The following MAF variants were observed in gnomAD, a reference collection of about 807,000 sequenced individuals.
The protein encoded by MAF is transcription factor Maf.
In MAF, 10 loss-of-function variants were observed where a neutral mutation model predicts 22.0. The ratio of observed to expected loss-of-function variants is 0.45; its 90% CI spans 0.28 to 0.77. The LOEUF is 0.77. Ranked by LOEUF, MAF falls within the 30% of genes least tolerant of loss-of-function variation. The pLI is 0.12. For synonymous variants in MAF, 337 were observed against 255.8 expected (o/e 1.32, Z -3.03); for missense variants, 544 against 548.4 (o/e 0.99, Z 0.08).
the MAF span, among the ~76,000 whole-genome samples, chr16:79,562,642 G>A: frequency 2.0e-4 from 31 of 152,172 alleles, no homozygotes; most frequent in East Asian, 1.7e-3. Flanking sequence ...TGTAGACCTC[G>A]GACTCCAGGC....
chr16:79,206,452 C>T, the MAF span: 1 of 152,196 alleles, frequency 6.6e-6, no homozygotes, highest in East Asian at 1.9e-4. Flanking sequence ...AGGCTTCTCT[C>T]TAAATAAATG....
At chr16:79,551,222 CAG>C in the MAF span, among the ~76,000 whole-genome samples, 1 of 152,080 alleles carries the variant, frequency 6.6e-6, no homozygotes, top group Non-Finnish European at 1.5e-5. Context: ...CCTAAGGAGT[CAG>C]ACTCCCCACT....
At chr16:79,458,026 A>G in the MAF span, among the ~76,000 whole-genome samples, 3 of 152,014 alleles carry the variant, frequency 2.0e-5, no homozygotes, top group Admixed American at 6.6e-5. Context: ...TTTTTTTTCA[A>G]TATGGATGAT....
chr16:79,437,138 C>G, the MAF span, among the ~76,000 whole-genome samples: 380 of 21,712 alleles, frequency 0.018, 3 homozygotes, highest in African/African-American at 0.049. Flanking sequence ...AGAAAGCTCT[C>G]TCTCTCTCTG....
At chr16:79,550,193 G>T in the MAF span, among the ~76,000 whole-genome samples, 1 of 152,044 alleles carries the variant, frequency 6.6e-6, no homozygotes, top group Admixed American at 6.6e-5. Flanking sequence ...TTGATGAATG[G>T]GTGACCATTT....
chr16:79,521,142 G>A, the MAF span, among the ~76,000 whole-genome samples: 4 of 152,206 alleles, frequency 2.6e-5, no homozygotes, highest in Non-Finnish European at 5.9e-5. Flanking sequence ...AGGAGGGCAA[G>A]GAGCACAGGC....
At chr16:79,402,571 G>T in the MAF span, among the ~76,000 whole-genome samples, 2 of 152,250 alleles carry the variant, frequency 1.3e-5, no homozygotes, top group Non-Finnish European at 2.9e-5. Flanking sequence ...ACCTCCAGGA[G>T]CAGGGCTGGC....
the MAF span, among the ~76,000 whole-genome samples, chr16:79,478,750 T>C: frequency 6.6e-6 from 1 of 152,078 alleles, no homozygotes; most frequent in Non-Finnish European, 1.5e-5. Context: ...CTGGATGTCA[T>C]CCTAGTCCAC....
chr16:79,543,899 G>C, the MAF span, among the ~76,000 whole-genome samples: 515 of 151,894 alleles, frequency 3.4e-3, 3 homozygotes, highest in African/African-American at 0.011. Context: ...TTTTAGCCAA[G>C]ATGGTCTCCA....
At chr16:79,401,195 C>T in the MAF span, among the ~76,000 whole-genome samples, 60 of 152,328 alleles carry the variant, frequency 3.9e-4, no homozygotes, top group Non-Finnish European at 7.2e-4. Context: ...TATTCTCCCG[C>T]GTGGATTTCT....
the MAF span, among the ~76,000 whole-genome samples, chr16:79,467,103 T>C: frequency 2.0e-5 from 3 of 152,322 alleles, no homozygotes; most frequent in South Asian, 2.1e-4. Context: ...CATTATTTTG[T>C]CTTTCCATTG....
chr16:79,212,489 AGGAAG>A, the MAF span: 1 of 218,736 alleles, frequency 4.6e-6, no homozygotes, highest in Non-Finnish European at 9.2e-6. Context: ...CTTGAAAGGC[AGGAAG>A]GGAAGCGTAT....
chr16:79,437,550 C>G, the MAF span, among the ~76,000 whole-genome samples: 1 of 152,090 alleles, frequency 6.6e-6, no homozygotes, highest in Non-Finnish European at 1.5e-5. Flanking sequence ...CCAGAGCCAG[C>G]CACTGCACAT....
chr16:79,311,542 A>T, the MAF span, among the ~76,000 whole-genome samples: 1 of 150,912 alleles, frequency 6.6e-6, no homozygotes, highest in Non-Finnish European at 1.5e-5. Flanking sequence ...AGCTGCTTTC[A>T]CTGCAGGCTT....
At chr16:79,274,980 G>C in the MAF span, among the ~76,000 whole-genome samples, 1 of 152,226 alleles carries the variant, frequency 6.6e-6, no homozygotes, top group African/African-American at 2.4e-5. Flanking sequence ...TTGCATGGTA[G>C]TGACCTTAAC....
the MAF span, among the ~76,000 whole-genome samples, chr16:79,494,590 T>G: frequency 6.6e-6 from 1 of 152,140 alleles, no homozygotes; most frequent in Non-Finnish European, 1.5e-5. Context: ...CAATCACATC[T>G]GCAAAGTTCC....
the MAF span, among the ~76,000 whole-genome samples, chr16:79,338,014 T>G: frequency 6.6e-6 from 1 of 152,142 alleles, no homozygotes; most frequent in African/African-American, 2.4e-5. Context: ...TGCTAGGCAC[T>G]TGGGAGATGG....
the MAF span, among the ~76,000 whole-genome samples, chr16:79,445,244 CA>C: frequency 7.9e-5 from 12 of 151,198 alleles, no homozygotes; most frequent in Non-Finnish European, 1.6e-4. Context: ...GGGGTTTCAC[CA>C]TGTTAGCCAG....
chr16:79,534,081 G>A, the MAF span, among the ~76,000 whole-genome samples: 1 of 152,166 alleles, frequency 6.6e-6, no homozygotes, highest in Admixed American at 6.5e-5. Flanking sequence ...AATCCCTTGA[G>A]GAAAGAGATC....
Sources: allele counts gnomAD v4.1 joint callset (sites outside exome capture counted in the v4.1 genomes callset), GRCh38; gene constraint gnomAD v4.1.1; transcripts MANE v1.5; gene names NCBI Gene and HGNC (gene_info 2026-07-23, HGNC 2026-07-21).